Variants in BAHCC1 observed in about 807,000 individuals in gnomAD.
The protein encoded by BAHCC1 is BAH and coiled-coil domain-containing protein 1.
In BAHCC1, 43 loss-of-function variants were observed where a neutral mutation model predicts 88.2. The observed-to-expected ratio is 0.49, with a 90% CI of 0.38 to 0.63. The LOEUF is 0.63. Ranked by LOEUF, BAHCC1 falls within the 20% of genes least tolerant of loss-of-function variation. The probability of loss-of-function intolerance (pLI) is 0.00; values close to 1 mark genes in which losing one functional copy is unlikely to be tolerated. For missense variants in BAHCC1, 3,023 were observed against 1,654.8 expected, an observed-to-expected ratio of 1.83 and a Z score of -14.34; for synonymous variants, 1,510 against 745.5, an observed-to-expected ratio of 2.03 and a Z score of -16.71.
chr17:81,418,797 G>GCA (rs1491567301), intron 2 of BAHCC1, among the ~76,000 whole-genome samples: 3 of 19,026 alleles, frequency 1.6e-4, no homozygotes, highest in African/African-American at 2.4e-4. Flanking sequence ...ACGTGTGTGC[G>GCA]TGTGTGTGTG....
chr17:81,460,028 G>C (rs75173684), intron 23 of BAHCC1, among the ~76,000 whole-genome samples: 12,161 of 152,128 alleles, frequency 0.08, 663 homozygotes, highest in East Asian at 0.19. Flanking sequence ...GCACGTGGGC[G>C]TCAGCACGTG....
At chr17:81,419,681 G>A (rs1483452395) in intron 2 of BAHCC1, among the ~76,000 whole-genome samples, 2 of 152,280 alleles carry the variant, frequency 1.3e-5, no homozygotes, top group Admixed American at 1.3e-4. Flanking sequence ...TCGGAGCCGG[G>A]GAGGCCCATG....
chr17:81,423,501 C>G (rs1598469712), intron 2 of BAHCC1, among the ~76,000 whole-genome samples: 1 of 151,906 alleles, frequency 6.6e-6, no homozygotes, highest in Non-Finnish European at 1.5e-5. Flanking sequence ...CGGGCTGGGC[C>G]CCCGCAGACC....
intron 2 of BAHCC1, among the ~76,000 whole-genome samples, chr17:81,414,675 CTGGCCGTCGGGAGGGCCTGGTG>C (rs2063996498): frequency 6.6e-6 from 1 of 152,214 alleles, no homozygotes; most frequent in South Asian, 2.1e-4. Flanking sequence ...GGCAGGAGCG[CTGGCCGTCGGGAGGGCCTGGTG>C]TGGCCGTCGG....
Position 81,458,676 on chromosome 17 carries a change from TG to T in BAHCC1, c.5403del (p.Lys1802ArgfsTer5). Reference sequence around the variant, plus strand: ...GCCACACGCAACGCCAAGGCCATCCTGGGGAAGGGCCGGAAGCTGAGCAAGG... The same window carrying T: ...GCCACACGCAACGCCAAGGCCATCCTGGGAAGGGCCGGAAGCTGAGCAAGG... ...TLATRNAKAI[L>X]GKGRKLSKVK... On this transcript the variant is annotated frameshift_variant, in exon 19 of 28. Transcript: ENST00000675386. 4.1e-6 allele frequency: 3 copies of T among 724,792 alleles called. No individual in the cohort carries two copies. Among genetic ancestry groups the T allele is most frequent in the Admixed American group, 2.0e-5 (1 of 50,710 alleles). The allele number at this position is 724,792 out of a possible 1,614,324, so 44.9% of individuals were successfully genotyped here.
chr17:81,445,485 G>C lies in BAHCC1; in HGVS notation c.2967G>C (p.Lys989Asn), dbSNP rs943065221. 1.3e-6 allele frequency: 1 copy of C among 751,420 alleles called. No individual in the cohort carries two copies. Among genetic ancestry groups the C allele is most frequent in the African/African-American group, 1.7e-5 (1 of 58,336 alleles). The allele number at this position is 751,420 out of a possible 1,614,324, so 46.5% of individuals were successfully genotyped here. Residue 989 changes from lysine to asparagine, a missense_variant, in exon 10 of 28, where the codon AAG becomes AAC. By Grantham distance (94) the Lys-to-Asn change is moderately conservative. Coordinates refer to ENST00000675386, the MANE Select transcript of BAHCC1 (RefSeq NM_001377448.1). ...GAPSPAAGPT[K>N]LPPCCHPPDP... ...CCTCACCCGCTGCAGGCCCCACCAAGCTGCCACCTTGCTGCCATCCGCCCG... is the reference window on the plus strand; with the variant it reads ...CCTCACCCGCTGCAGGCCCCACCAACCTGCCACCTTGCTGCCATCCGCCCG...
chr17:81,428,652 G>T (rs2064227202), intron 3 of BAHCC1, among the ~76,000 whole-genome samples: 1 of 152,220 alleles, frequency 6.6e-6, no homozygotes, highest in African/African-American at 2.4e-5. Context: ...CTGCCTTGGA[G>T]CCCCCGTCCC....
chr17:81,453,812 T>C (rs2064693423), intron 14 of BAHCC1, among the ~76,000 whole-genome samples: 1 of 152,170 alleles, frequency 6.6e-6, no homozygotes, highest in Admixed American at 6.5e-5. Flanking sequence ...CCCTTCCACC[T>C]CCTGCCCTCA....
chr17:81,426,151 T>G (rs2064194726), intron 2 of BAHCC1, among the ~76,000 whole-genome samples: 3 of 140,552 alleles, frequency 2.1e-5, no homozygotes, highest in Non-Finnish European at 3.1e-5. Flanking sequence ...TAGTGGTGGG[T>G]GATGTGGTTG....
intron 2 of BAHCC1, among the ~76,000 whole-genome samples, chr17:81,406,231 T>C (rs1206432908): frequency 2.0e-5 from 3 of 152,022 alleles, no homozygotes; most frequent in Non-Finnish European, 2.9e-5. Context: ...AACCCTTGGC[T>C]CCTGGACAGC....
intron 4 of BAHCC1, among the ~76,000 whole-genome samples, chr17:81,441,521 G>T (rs1401790607): frequency 1.3e-5 from 2 of 152,002 alleles, no homozygotes; most frequent in African/African-American, 2.4e-5. Context: ...AGTTAGCTGG[G>T]CCTGGTGGCG....
At chr17:81,429,889 C>T (rs1568009807) in intron 3 of BAHCC1, among the ~76,000 whole-genome samples, 1 of 152,074 alleles carries the variant, frequency 6.6e-6, no homozygotes, top group Non-Finnish European at 1.5e-5. Context: ...CAGGGCAGCC[C>T]CTCGAGCGGG....
At chr17:81,455,987 C>T (rs1274408660) in intron 15 of BAHCC1, among the ~76,000 whole-genome samples, 3 of 152,328 alleles carry the variant, frequency 2.0e-5, no homozygotes, top group East Asian at 1.9e-4. Flanking sequence ...GCTGTTTTAT[C>T]CCTCCCTTTA....
intron 14 of BAHCC1, 148 bp downstream of exon 14, chr17:81,452,999 A>G: frequency 3.5e-6 from 2 of 563,470 alleles, no homozygotes; most frequent in Non-Finnish European, 6.2e-6. Flanking sequence ...CCCTTCCTAG[A>G]CCATCGAGAG....
chr17:81,458,525 T>TCCCTGCCCTC (rs1555658111), intron 18 of BAHCC1, 59 bp downstream of exon 18: 20 of 540,148 alleles, frequency 3.7e-5, no homozygotes, highest in Admixed American at 3.2e-4. Context: ...GGAAAGGCCT[T>TCCCTGCCCTC]CCCCGCCCTC....
chr17:81,400,753 C>T (rs2063805809), intron 2 of BAHCC1: 1 of 153,948 alleles, frequency 6.5e-6, no homozygotes, highest in Admixed American at 6.5e-5. Flanking sequence ...CCTCTGACTC[C>T]CTGCCCGAGA....
At chr17:81,452,288 C>T (rs1239019728) in intron 13 of BAHCC1, among the ~76,000 whole-genome samples, 181 bp downstream of exon 13, 4 of 152,176 alleles carry the variant, frequency 2.6e-5, no homozygotes, top group Non-Finnish European at 2.9e-5. Flanking sequence ...AGGAGGGAGG[C>T]ATTCGGCCAG....
intron 1 of BAHCC1, chr17:81,396,803 C>T (rs1555644973): frequency 1.3e-5 from 2 of 152,416 alleles, no homozygotes; most frequent in Middle Eastern, 3.4e-3. Flanking sequence ...GCCCTGTGCT[C>T]CTAGGTTCAG....
chr17:81,450,005 C>T (rs548336859), intron 11 of BAHCC1, among the ~76,000 whole-genome samples: 54 of 152,258 alleles, frequency 3.5e-4, no homozygotes, highest in Admixed American at 3.0e-3. Context: ...TTTGTCCCAT[C>T]GTGGATGGGG....
Sources: allele counts gnomAD v4.1 joint callset (sites outside exome capture counted in the v4.1 genomes callset), GRCh38; gene constraint gnomAD v4.1.1; transcripts MANE v1.5; gene names NCBI Gene and HGNC (gene_info 2026-07-23, HGNC 2026-07-21).